Variants in CUX1 observed in about 807,000 individuals in gnomAD.
CUX1 encodes the protein cut like homeobox 1, also known as protein CASP.
A neutral mutation model predicts 158.8 loss-of-function variants in CUX1; 31 were observed. The observed-to-expected ratio is 0.20, with a 90% confidence interval of 0.15 to 0.26. The LOEUF (loss-of-function observed/expected upper bound fraction) is 0.26. Ranked by LOEUF, CUX1 falls within the 10% of genes least tolerant of loss-of-function variation. The pLI is 1.00. For missense variants in CUX1, 1,589 were observed against 2,014.6 expected (o/e 0.79, Z 4.04); for synonymous variants, 879 against 862.1 (o/e 1.02, Z -0.34).
intron 2 of CUX1, among the ~76,000 whole-genome samples, chr7:101,922,191 A>C (rs1457600048): frequency 6.6e-6 from 1 of 152,222 alleles, no homozygotes. Flanking sequence ...CATGTGCCAG[A>C]CAGTTTGGCC....
At chr7:102,041,080 AG>A (rs1006112109) in intron 3 of CUX1, among the ~76,000 whole-genome samples, 2 of 151,740 alleles carry the variant, frequency 1.3e-5, no homozygotes, top group African/African-American at 4.8e-5. Context: ...CAAGGTCAGG[AG>A]TTCAAGACCA....
Position 101,879,572 on chromosome 7 carries a change from C to G in CUX1, c.31-36543C>G, listed in dbSNP as rs187919621. 1.6e-4 allele frequency among the ~76,000 whole-genome samples: 24 copies of G among 152,240 alleles called. No homozygotes were observed. The East Asian group carries it at 4.0e-3, about 26-fold the overall frequency. Reference sequence around the variant, plus strand: ...CATTGCTCCAGTTGTCTTCGGCCTTCTGGGGCTTACTTCCCCTGCCCTGGA... The same window carrying G: ...CATTGCTCCAGTTGTCTTCGGCCTTGTGGGGCTTACTTCCCCTGCCCTGGA... On this transcript the variant is annotated intron_variant, in intron 1 of 23. Coordinates refer to ENST00000292535, the MANE Select transcript of CUX1 (RefSeq NM_181552.4).
chr7:101,861,571 AG>A (rs1237318580), intron 1 of CUX1, among the ~76,000 whole-genome samples: 7 of 79,830 alleles, frequency 8.8e-5, no homozygotes, highest in Admixed American at 4.0e-4. Flanking sequence ...AGGGTGGGAC[AG>A]GCGGAGGACT....
chr7:102,253,338 G>A lies in CUX1; in HGVS notation c.*4296G>A, dbSNP rs1554540825. ...TGCAGCTCATGACCAGTTTACACAG[G>A]CTGCAAAGAGATCGCTGTGGGCCTC... On this transcript the variant is annotated 3_prime_UTR_variant, in exon 24 of 24. Transcript: ENST00000292535. 4.1e-6 allele frequency: 4 copies of A among 985,352 alleles called. No homozygotes were observed. The highest frequency in any genetic ancestry group is 4.8e-6 in the Non-Finnish European group (4 of 829,964). 61.0% of individuals were successfully genotyped at this position (985,352 alleles called of 1,614,324 possible). A position where few individuals can be genotyped will look rare whatever the true frequency, so the allele number is the denominator to read the frequency against.
chr7:101,880,732 G>A (rs1231184996), intron 1 of CUX1, among the ~76,000 whole-genome samples: 1 of 152,176 alleles, frequency 6.6e-6, no homozygotes. Context: ...TTGGTGTCAC[G>A]TGACAGGAAG....
At chr7:102,165,524 C>G (rs1554508514) in intron 9 of CUX1, among the ~76,000 whole-genome samples, 1 of 151,904 alleles carries the variant, frequency 6.6e-6, no homozygotes, top group Non-Finnish European at 1.5e-5. Context: ...ACCCCCACGC[C>G]CAGCTAATTT....
intron 3 of CUX1, among the ~76,000 whole-genome samples, chr7:102,031,776 ATG>A (rs1820821138): frequency 6.6e-6 from 1 of 152,086 alleles, no homozygotes; most frequent in African/African-American, 2.4e-5. Flanking sequence ...ACTCTTTTTC[ATG>A]TGTGTGGCAG....
chr7:102,121,650 G>T (rs888594539), intron 8 of CUX1, among the ~76,000 whole-genome samples: 39 of 152,184 alleles, frequency 2.6e-4, no homozygotes, highest in African/African-American at 8.7e-4. Flanking sequence ...TGGATACTTT[G>T]TTTACATACT....
At chr7:102,271,453 G>C (rs1554546228) in intron 14 of CUX1, among the ~76,000 whole-genome samples, 3 of 152,200 alleles carry the variant, frequency 2.0e-5, no homozygotes. Flanking sequence ...CTAAGCATGT[G>C]TGGCCGGCTC....
At chr7:102,212,099 A>G (rs1337417755) in intron 20 of CUX1, among the ~76,000 whole-genome samples, 2 of 152,162 alleles carry the variant, frequency 1.3e-5, no homozygotes, top group Admixed American at 6.6e-5. Context: ...GTGGGATTCA[A>G]GATGGGGGCT....
chr7:101,817,783 G>T lies in CUX1; in HGVS notation c.30+114G>T. 1 of 1,324,990 alleles carries T rather than the reference G, an allele frequency of 7.5e-7. No individual in the cohort carries two copies. The highest frequency in any genetic ancestry group is 1.0e-6 in the Non-Finnish European group (1 of 973,812). The allele number at this position is 1,324,990 out of a possible 1,614,324, so 82.1% of individuals were successfully genotyped here. On this transcript the variant is annotated intron_variant, in intron 1 of 23. Coordinates refer to ENST00000292535, the MANE Select transcript of CUX1 (RefSeq NM_181552.4). The surrounding 1 kb of genome is among the most constrained non-coding windows in gnomAD (Gnocchi z 4.1). ...ATGCTCTAGGGCGGCCTGGTGCTCT[G>T]GGAGGGGATAGGAGGGTTCCTCAGG...
chr7:101,910,400 C>G (rs563080079), intron 1 of CUX1, among the ~76,000 whole-genome samples: 1 of 152,200 alleles, frequency 6.6e-6, no homozygotes, highest in East Asian at 2.0e-4. Flanking sequence ...CCTGCCTAGA[C>G]CTCCCAAAGT....
At chr7:102,073,763 ATTC>A (rs551188057) in intron 4 of CUX1, among the ~76,000 whole-genome samples, 108 of 152,198 alleles carry the variant, frequency 7.1e-4, no homozygotes, top group African/African-American at 2.5e-3. Context: ...TAATATTATG[ATTC>A]TTATTATTAC....
chr7:102,169,333 T>C (rs1346452806), intron 9 of CUX1, among the ~76,000 whole-genome samples: 1 of 151,680 alleles, frequency 6.6e-6, no homozygotes, highest in Non-Finnish European at 1.5e-5. Flanking sequence ...CTTCCCAAAG[T>C]GCCAGGATTA....
intron 3 of CUX1, among the ~76,000 whole-genome samples, chr7:102,034,306 G>T (rs1362688535): frequency 6.6e-6 from 1 of 152,042 alleles, no homozygotes; most frequent in Admixed American, 6.6e-5. Context: ...CATGTCATTA[G>T]CAGATTAAAG....
rs201615556 is a variant in CUX1 at position 102,281,879 on chromosome 7, G to A, written c.1861G>A (p.Gly621Ser). The change falls in exon 21 of 23, where the codon GGC (glycine) becomes AGC (serine). Residue 621 changes from glycine (G) to serine (S), a missense_variant. Transcript: ENST00000292538. ...CTCCAACAAGATGGCGCGCACCATCGGCTTCTTCTACACACTGTTCCTGCA... is the reference window on the plus strand; with the variant it reads ...CTCCAACAAGATGGCGCGCACCATCAGCTTCTTCTACACACTGTTCCTGCA... 2.7e-5 allele frequency: 44 copies of A among 1,613,566 alleles called. No individual in the cohort carries two copies. The African/African-American group carries it at 3.6e-4, about 13-fold the overall frequency.
At chr7:102,036,948 T>G (rs1025426215) in intron 3 of CUX1, among the ~76,000 whole-genome samples, 4 of 152,200 alleles carry the variant, frequency 2.6e-5, no homozygotes, top group Non-Finnish European at 5.9e-5. Context: ...CCCAGCACTT[T>G]GGGAGGCTGA....
At chr7:101,865,678 G>C (rs1051187338) in intron 1 of CUX1, among the ~76,000 whole-genome samples, 5 of 152,220 alleles carry the variant, frequency 3.3e-5, no homozygotes, top group Non-Finnish European at 7.3e-5. Context: ...ACGCCGAAGG[G>C]TGTGCGTGCA....
chr7:102,082,397 G>C (rs376669159), intron 4 of CUX1, among the ~76,000 whole-genome samples: 1 of 146,516 alleles, frequency 6.8e-6, no homozygotes, highest in South Asian at 2.2e-4. Context: ...GTAATGGCAG[G>C]CGCCTGTAAT....
Sources: allele counts gnomAD v4.1 joint callset (sites outside exome capture counted in the v4.1 genomes callset), GRCh38; gene constraint gnomAD v4.1.1; non-coding constraint Gnocchi (gnomAD v3.1); transcripts MANE v1.5; gene names NCBI Gene and HGNC (gene_info 2026-07-23, HGNC 2026-07-21).